RHBDL2: variants seen among roughly 807,000 people sequenced by gnomAD.
RHBDL2 encodes rhomboid like 2.
Under a neutral mutation model 31.7 loss-of-function variants are expected in RHBDL2, and 26 were observed. The observed-to-expected ratio is 0.82, with a 90% CI of 0.60 to 1.14. The LOEUF (loss-of-function observed/expected upper bound fraction) is 1.14. Ranked by LOEUF, RHBDL2 falls within the 50% of genes most tolerant of loss-of-function variation. The pLI, the probability that RHBDL2 is intolerant of heterozygous loss-of-function variation, is 0.00. For missense variants in RHBDL2, 336 were observed against 364.4 expected, an observed-to-expected ratio of 0.92 and a Z score of 0.63; for synonymous variants, 123 against 127.2, an observed-to-expected ratio of 0.97 and a Z score of 0.22.
intron 4 of RHBDL2, among the ~76,000 whole-genome samples, chr1:38,909,587 C>G (rs900216952): frequency 6.6e-6 from 1 of 151,862 alleles, no homozygotes; most frequent in Non-Finnish European, 1.5e-5. Flanking sequence ...ACTAAAAATA[C>G]AAAAATTAGC....
chr1:38,905,587 A>AG (rs1643053135), intron 4 of RHBDL2, among the ~76,000 whole-genome samples: 1 of 100,658 alleles, frequency 9.9e-6, no homozygotes, highest in Admixed American at 1.1e-4. Flanking sequence ...CTGTCTCTAC[A>AG]GGAAAAAAAA....
chr1:38,932,501 C>T (rs1557624443), intron 1 of RHBDL2, among the ~76,000 whole-genome samples: 1 of 152,152 alleles, frequency 6.6e-6, no homozygotes, highest in Non-Finnish European at 1.5e-5. Flanking sequence ...ACTCTGTCGC[C>T]CAGGCTGGAG....
chr1:38,927,396 C>T (rs1643390590), intron 1 of RHBDL2, among the ~76,000 whole-genome samples: 1 of 152,074 alleles, frequency 6.6e-6, no homozygotes. Context: ...CACTGCACTC[C>T]AGCCTGGGCG....
intron 1 of RHBDL2, among the ~76,000 whole-genome samples, chr1:38,934,020 G>A (rs1213181636): frequency 1.3e-5 from 2 of 152,070 alleles, no homozygotes; most frequent in African/African-American, 4.8e-5. Flanking sequence ...TATCCACCGT[G>A]CTGTGTCCAC....
At chr1:38,902,233 T>C (rs1643001841) in intron 4 of RHBDL2, among the ~76,000 whole-genome samples, 1 of 119,856 alleles carries the variant, frequency 8.3e-6, no homozygotes, top group African/African-American at 3.0e-5. Flanking sequence ...TGAGACAGAG[T>C]CTCACTCTGT....
At chr1:38,891,260 CAAAAAAAAAA>C (rs11445131) in intron 6 of RHBDL2, among the ~76,000 whole-genome samples, 2 of 79,290 alleles carry the variant, frequency 2.5e-5, no homozygotes, top group Non-Finnish European at 4.6e-5. Flanking sequence ...GACTCCGTCT[CAAAAAAAAAA>C]AAAAAAAAAA....
chr1:38,885,906 T>C lies in RHBDL2; in HGVS notation c.*598A>G, dbSNP rs896941780. On this transcript the variant is annotated 3_prime_UTR_variant, in exon 8 of 8. Transcript: ENST00000372990. ...CTCCAAGGAGAGTAAGTCTGTTTTA[T>C]AGAATACCATATGCCTGGGAAAGAC... is the stretch of plus-strand genomic sequence containing the variant. 1 of 152,656 alleles carries C rather than the reference T, an allele frequency of 6.6e-6. No individual in the cohort carries two copies. Among genetic ancestry groups the C allele is most frequent in the Non-Finnish European group, 1.5e-5 (1 of 68,048 alleles). The allele number at this position is 152,656 out of a possible 1,614,324, so 9.5% of individuals were successfully genotyped here.
At chr1:38,901,185 G>A (rs1041077862) in intron 4 of RHBDL2, among the ~76,000 whole-genome samples, 2 of 151,596 alleles carry the variant, frequency 1.3e-5, no homozygotes, top group Admixed American at 6.6e-5. Flanking sequence ...GCATATGGTC[G>A]GCTGCAGTGG....
intron 4 of RHBDL2, among the ~76,000 whole-genome samples, chr1:38,900,569 C>T (rs1642976111): frequency 6.6e-6 from 1 of 151,824 alleles, no homozygotes; most frequent in Non-Finnish European, 1.5e-5. Flanking sequence ...TGCAGTGAGC[C>T]AAGATCCACC....
At chr1:38,887,278 T>G (rs1056924609) in intron 7 of RHBDL2, among the ~76,000 whole-genome samples, 4 of 151,984 alleles carry the variant, frequency 2.6e-5, no homozygotes, top group Non-Finnish European at 4.4e-5. Flanking sequence ...TGCAGTCGCA[T>G]GATCACAGCT....
intron 4 of RHBDL2, among the ~76,000 whole-genome samples, chr1:38,907,833 A>G (rs1010981338): frequency 6.6e-6 from 1 of 152,214 alleles, no homozygotes; most frequent in Non-Finnish European, 1.5e-5. Context: ...GTTCAGTGAA[A>G]GGTTTTTAAG....
chr1:38,919,162 C>T lies in RHBDL2; in HGVS notation c.51G>A (p.Gly17=), dbSNP rs1007479728. ...LEMESMNLNM[G]REMKEELEEE... ...CCTCCAGCTCTTCTTTCATCTCTCT[C>T]CCCATATTCAGATTCATGCTCTCCA... Residue 17 remains glycine, a synonymous_variant, in exon 2 of 8, where the codon GGG becomes GGA. Coordinates refer to ENST00000372990, the MANE Select transcript of RHBDL2 (RefSeq NM_017821.5). 2.5e-6 allele frequency: 4 copies of T among 1,614,144 alleles called. No individual in the cohort carries two copies. The highest frequency in any genetic ancestry group is 3.4e-6 in the Non-Finnish European group (4 of 1,180,036).
At chr1:38,891,848 C>G (rs1265436008) in intron 6 of RHBDL2, among the ~76,000 whole-genome samples, 1 of 152,142 alleles carries the variant, frequency 6.6e-6, no homozygotes, top group African/African-American at 2.4e-5. Flanking sequence ...ACATCTTAGG[C>G]TTTATCAGGT....
chr1:38,932,740 G>A (rs1643452229), intron 1 of RHBDL2, among the ~76,000 whole-genome samples: 2 of 152,164 alleles, frequency 1.3e-5, no homozygotes, highest in South Asian at 2.1e-4. Flanking sequence ...AATTACAGGC[G>A]TGAGCCACCA....
At chr1:38,936,745 C>G (rs1274112801) in intron 1 of RHBDL2, among the ~76,000 whole-genome samples, 1 of 151,924 alleles carries the variant, frequency 6.6e-6, no homozygotes, top group African/African-American at 2.4e-5. Flanking sequence ...GGTGATCCAC[C>G]CACCTCAGCC....
intron 1 of RHBDL2, among the ~76,000 whole-genome samples, chr1:38,920,292 C>T (rs1188142491): frequency 6.7e-6 from 1 of 150,144 alleles, no homozygotes; most frequent in East Asian, 2.0e-4. Flanking sequence ...CTCAGCCTAC[C>T]AAGTAGCTGG....
chr1:38,933,215 T>C (rs1323198254), intron 1 of RHBDL2, among the ~76,000 whole-genome samples: 3 of 152,110 alleles, frequency 2.0e-5, no homozygotes, highest in Non-Finnish European at 4.4e-5. Context: ...ACACCAAATC[T>C]TCTCCTGTCT....
chr1:38,911,602 C>CTGTGTG (rs56978792), intron 3 of RHBDL2, among the ~76,000 whole-genome samples, 168 bp from the exon 4 acceptor site: 6 of 142,292 alleles, frequency 4.2e-5, no homozygotes, highest in East Asian at 4.2e-4. Flanking sequence ...TTTCTTTTTT[C>CTGTGTG]TGTGTGTGTG....
chr1:38,893,780 C>A (rs1642881983), intron 5 of RHBDL2, among the ~76,000 whole-genome samples: 2 of 152,074 alleles, frequency 1.3e-5, no homozygotes, highest in Admixed American at 1.3e-4. Flanking sequence ...ACTCTGTCAC[C>A]CAAGTTGGAG....
Sources: allele counts gnomAD v4.1 joint callset (sites outside exome capture counted in the v4.1 genomes callset), GRCh38; gene constraint gnomAD v4.1.1; transcripts MANE v1.5; gene names NCBI Gene and HGNC (gene_info 2026-07-23, HGNC 2026-07-21).